ERC2: variants seen among roughly 807,000 people sequenced by gnomAD.
The protein encoded by ERC2 is ELKS/RAB6-interacting/CAST family member 2.
Under a neutral mutation model 114.8 loss-of-function variants are expected in ERC2, and 42 were observed. The observed-to-expected ratio is 0.37, with a 90% CI of 0.29 to 0.47. The LOEUF is 0.47. Among genes scored for constraint, ERC2 ranks in the 20% least tolerant of loss-of-function variants. ERC2 has a pLI of 0.99. For synonymous variants in ERC2, 454 were observed against 425.5 expected, an observed-to-expected ratio of 1.07 and a Z score of -0.82; for missense variants, 939 against 1,150.7, an observed-to-expected ratio of 0.82 and a Z score of 2.66.
At chr3:56,457,560 G>C (rs147424794) in intron 1 of ERC2, among the ~76,000 whole-genome samples, 1 of 151,970 alleles carries the variant, frequency 6.6e-6, no homozygotes, top group Admixed American at 6.5e-5. Context: ...GTCCTTGATC[G>C]TATCCGTCCC....
intron 3 of ERC2, among the ~76,000 whole-genome samples, chr3:56,282,160 A>G (rs987181163): frequency 1.1e-4 from 16 of 152,248 alleles, no homozygotes; most frequent in African/African-American, 3.6e-4. Context: ...TTAAAATTCT[A>G]TTAGACCGCA....
At chr3:55,707,954 C>A (rs545796192) in intron 15 of ERC2, among the ~76,000 whole-genome samples, 1 of 152,324 alleles carries the variant, frequency 6.6e-6, no homozygotes, top group African/African-American at 2.4e-5. Context: ...ACTGGTAGAT[C>A]TGAGGCTCTG....
intron 3 of ERC2, among the ~76,000 whole-genome samples, chr3:56,180,543 T>C (rs1560318657): frequency 1.3e-5 from 2 of 152,200 alleles, no homozygotes; most frequent in African/African-American, 2.4e-5. Context: ...GGACATTATG[T>C]TAAGTGAAAT....
intron 13 of ERC2, among the ~76,000 whole-genome samples, chr3:55,929,364 G>A (rs2065937625): frequency 6.6e-6 from 1 of 152,126 alleles, no homozygotes; most frequent in Admixed American, 6.5e-5. Flanking sequence ...CCCCTCACAG[G>A]TACTGCCCTG....
intron 13 of ERC2, among the ~76,000 whole-genome samples, chr3:55,915,026 C>T (rs34138454): frequency 0.014 from 2,140 of 152,080 alleles, 53 homozygotes; most frequent in Non-Finnish European, 0.014. Context: ...AAATCTATGC[C>T]GTCGTCGCAT....
chr3:56,317,890 T>C (rs1022584385), intron 2 of ERC2, among the ~76,000 whole-genome samples: 2 of 152,208 alleles, frequency 1.3e-5, no homozygotes, highest in African/African-American at 2.4e-5. Context: ...TTCATTAACA[T>C]GGTATCTGAG....
intron 17 of ERC2, among the ~76,000 whole-genome samples, chr3:55,538,401 TC>T (rs2107320524): frequency 6.6e-6 from 1 of 152,262 alleles, no homozygotes; most frequent in African/African-American, 2.4e-5. Context: ...TTGGCAGCAA[TC>T]ACCATGACAA....
chr3:55,918,519 T>C (rs1360703704), intron 13 of ERC2, among the ~76,000 whole-genome samples: 1 of 152,114 alleles, frequency 6.6e-6, no homozygotes, highest in African/African-American at 2.4e-5. Flanking sequence ...CCACGAGTTT[T>C]TTCAGCTTTT....
intron 12 of ERC2, among the ~76,000 whole-genome samples, chr3:55,979,954 T>C (rs2069943533): frequency 6.7e-6 from 1 of 149,342 alleles, no homozygotes; most frequent in African/African-American, 2.5e-5. Context: ...TCTTCTTTTT[T>C]TTTCTTTTTT....
chr3:55,945,542 TGCTGAAA>T (rs2067073432), intron 13 of ERC2, among the ~76,000 whole-genome samples: 2 of 152,236 alleles, frequency 1.3e-5, no homozygotes, highest in South Asian at 4.1e-4. Context: ...CTATATGTTT[TGCTGAAA>T]GCTATGCATT....
chr3:55,601,543 G>A (rs144337244), intron 17 of ERC2, among the ~76,000 whole-genome samples: 290 of 152,252 alleles, frequency 1.9e-3, no homozygotes, highest in African/African-American at 6.6e-3. Flanking sequence ...GCTGTCCTTC[G>A]GCACTGTAAA....
intron 14 of ERC2, among the ~76,000 whole-genome samples, chr3:55,762,122 G>A (rs1218493372): frequency 6.6e-6 from 1 of 152,010 alleles, no homozygotes; most frequent in African/African-American, 2.4e-5. Context: ...CCAGTCTCAG[G>A]TAGTTCTTTA....
At chr3:56,434,004 C>A (rs2061907381) in intron 2 of ERC2, 1 of 226,850 alleles carries the variant, frequency 4.4e-6, no homozygotes, top group Non-Finnish European at 8.7e-6. Context: ...TTAACATTTT[C>A]TTCTTCTATT....
chr3:55,628,029 T>C (rs2059590688), intron 17 of ERC2, among the ~76,000 whole-genome samples: 1 of 152,102 alleles, frequency 6.6e-6, no homozygotes, highest in South Asian at 2.1e-4. Context: ...GAAAATTGTA[T>C]CTAATTTTTA....
intron 17 of ERC2, among the ~76,000 whole-genome samples, chr3:55,621,500 C>A (rs2059328007): frequency 6.6e-6 from 1 of 152,012 alleles, no homozygotes; most frequent in South Asian, 2.1e-4. Flanking sequence ...CCTGCCGTTT[C>A]TTCTTTTAAC....
intron 6 of ERC2, among the ~76,000 whole-genome samples, chr3:56,086,311 C>G (rs1481722578): frequency 6.6e-6 from 1 of 152,082 alleles, no homozygotes; most frequent in Non-Finnish European, 1.5e-5. Context: ...GCACGTTACT[C>G]AAACACCCAA....
At chr3:56,201,598 C>G (rs2048409746) in intron 3 of ERC2, among the ~76,000 whole-genome samples, 1 of 152,188 alleles carries the variant, frequency 6.6e-6, no homozygotes, top group African/African-American at 2.4e-5. Flanking sequence ...CAATAATCCT[C>G]TGTTTATACA....
intron 14 of ERC2, among the ~76,000 whole-genome samples, chr3:55,784,483 C>T (rs2069320065): frequency 6.6e-6 from 1 of 152,164 alleles, no homozygotes; most frequent in Admixed American, 6.5e-5. Context: ...CCAGTCATAT[C>T]AACAACATGA....
chr3:55,915,990 C>T (rs996373013), intron 13 of ERC2, among the ~76,000 whole-genome samples: 2 of 152,098 alleles, frequency 1.3e-5, no homozygotes, highest in Admixed American at 1.3e-4. Flanking sequence ...CATGCATATT[C>T]ATAGTATTTG....
Sources: gnomAD v4.1 joint callset for allele counts (sites outside exome capture counted in the v4.1 genomes callset) on GRCh38, gnomAD v4.1.1 for gene constraint, MANE v1.5 for transcripts, NCBI Gene and HGNC (gene_info 2026-07-23, HGNC 2026-07-21) for gene names.